Variants in CFAP92 observed in about 807,000 individuals in gnomAD.
The protein encoded by CFAP92 is uncharacterized protein CFAP92.
In CFAP92, 86 loss-of-function variants were observed where a neutral mutation model predicts 106.3. The ratio of observed to expected loss-of-function variants is 0.81; its 90% confidence interval spans 0.68 to 0.97. The LOEUF (loss-of-function observed/expected upper bound fraction) is 0.97, where lower values mean the gene tolerates loss of function less well. Ranked by LOEUF, CFAP92 falls within the 50% of genes least tolerant of loss-of-function variation. The pLI is 0.00. For synonymous variants in CFAP92, 477 were observed against 506.4 expected (o/e 0.94, Z 0.78); for missense variants, 1,204 against 1,283.8 (o/e 0.94, Z 0.95).
chr3:128,960,386 C>A (rs1252867242), intron 9 of CFAP92, among the ~76,000 whole-genome samples: 1 of 152,248 alleles, frequency 6.6e-6, no homozygotes. Flanking sequence ...AACATCTCAC[C>A]AATTTCAAAT....
At chr3:129,024,665 CAA>C in the CFAP92 span, among the ~76,000 whole-genome samples, 1 of 152,016 alleles carries the variant, frequency 6.6e-6, no homozygotes. Context: ...GGTAGAAGAA[CAA>C]AAGAGGGAGA....
At chr3:128,944,970 G>T in intron 10 of CFAP92, 101 bp downstream of exon 10, 3 of 1,044,220 alleles carry the variant, frequency 2.9e-6, no homozygotes, top group Non-Finnish European at 2.7e-6. Context: ...GAGACTCACA[G>T]ACAAGGATGC....
intron 9 of CFAP92, among the ~76,000 whole-genome samples, chr3:128,960,442 A>C (rs2107757748): frequency 6.6e-6 from 1 of 151,234 alleles, no homozygotes; most frequent in Non-Finnish European, 1.5e-5. Flanking sequence ...CTCCCTCACT[A>C]TCCCTCAACC....
At chr3:129,025,703 A>C in the CFAP92 span, among the ~76,000 whole-genome samples, 1 of 152,148 alleles carries the variant, frequency 6.6e-6, no homozygotes, top group Non-Finnish European at 1.5e-5. Context: ...GAGAGGGGCA[A>C]TGGGAGAAGC....
Position 128,993,135 on chromosome 3 carries a change from G to C in CFAP92, c.170C>G (p.Ser57Cys), listed in dbSNP as rs1327151246. 3.1e-6 allele frequency: 5 copies of C among 1,614,094 alleles called. No individual in the cohort carries two copies. In the South Asian group the frequency reaches 5.5e-5, roughly 18 times the overall value. ...DSDRPCSSIE[S>C]SSEPASTFSS... ...GAAAGTGCTGGCAGGCTCAGATGAG[G>C]ACTCGATGCTGCTGCACGGGCGGTC... The change falls in exon 2 of 16, where the codon TCC becomes TGC. Residue 57 changes from serine to cysteine, a missense_variant. Transcript: ENST00000645291.
At chr3:128,935,728 CA>C (rs796579499) in intron 10 of CFAP92, among the ~76,000 whole-genome samples, 50 of 151,886 alleles carry the variant, frequency 3.3e-4, no homozygotes, top group African/African-American at 1.2e-3. Flanking sequence ...AAAAACAAAA[CA>C]AAAAAACAAG....
chr3:129,008,933 T>C, the CFAP92 span, among the ~76,000 whole-genome samples: 5 of 149,830 alleles, frequency 3.3e-5, no homozygotes, highest in Non-Finnish European at 5.9e-5. Flanking sequence ...CTCAGCTCCT[T>C]ATTCTTCAAA....
intron 12 of CFAP92, among the ~76,000 whole-genome samples, chr3:128,932,121 G>GA (rs762054441): frequency 5.9e-5 from 9 of 152,292 alleles, no homozygotes; most frequent in Admixed American, 1.3e-4. Flanking sequence ...GAATTGCAGG[G>GA]ATGGTAGGGC....
At chr3:129,025,005 G>A in the CFAP92 span, among the ~76,000 whole-genome samples, 3 of 152,172 alleles carry the variant, frequency 2.0e-5, no homozygotes, top group Admixed American at 2.0e-4. Flanking sequence ...ACTTCACTGA[G>A]GGAGGGAGGA....
At chr3:129,009,472 A>T in the CFAP92 span, among the ~76,000 whole-genome samples, 1 of 152,310 alleles carries the variant, frequency 6.6e-6, no homozygotes, top group Admixed American at 6.5e-5. Context: ...ATCCCACTGA[A>T]GTCCTGGAAC....
chr3:128,978,402 TA>T (rs889000988), intron 4 of CFAP92: 766 of 394,670 alleles, frequency 1.9e-3, no homozygotes, highest in South Asian at 2.9e-3. Flanking sequence ...GCATTATATC[TA>T]AAAAAAAATG....
At chr3:129,001,190 G>C (rs1944717921) in intron 1 of CFAP92, among the ~76,000 whole-genome samples, 1 of 152,232 alleles carries the variant, frequency 6.6e-6, no homozygotes, top group South Asian at 2.1e-4. Context: ...CCTGGGCTTC[G>C]GATCCCGCGC....
chr3:128,934,465 C>T (rs184120778), intron 11 of CFAP92, among the ~76,000 whole-genome samples: 8 of 152,220 alleles, frequency 5.3e-5, no homozygotes, highest in Non-Finnish European at 1.2e-4. Flanking sequence ...GTGATCCACC[C>T]GCCTTGGCCT....
At chr3:128,963,372 G>T (rs984809264) in intron 9 of CFAP92, among the ~76,000 whole-genome samples, 4 of 152,148 alleles carry the variant, frequency 2.6e-5, no homozygotes, top group East Asian at 1.9e-4. Context: ...CTTTAATACT[G>T]TTAGAGGCCC....
chr3:129,022,221 T>C, the CFAP92 span, among the ~76,000 whole-genome samples: 8 of 152,170 alleles, frequency 5.3e-5, no homozygotes, highest in African/African-American at 1.2e-4. Context: ...TTCATCCTCA[T>C]AGGACCGCCA....
At chr3:128,943,660 C>T (rs748462254) in intron 10 of CFAP92, among the ~76,000 whole-genome samples, 5 of 151,962 alleles carry the variant, frequency 3.3e-5, no homozygotes, top group Middle Eastern at 3.4e-3. Flanking sequence ...CTCAGTCTCC[C>T]GAGTAGCTGG....
chr3:128,922,077 T>A (rs188412657), intron 12 of CFAP92, among the ~76,000 whole-genome samples: 1 of 152,164 alleles, frequency 6.6e-6, no homozygotes, highest in African/African-American at 2.4e-5. Flanking sequence ...CGGTGGCTCA[T>A]GCCTGTAATC....
At chr3:129,006,947 A>C (rs1008921701), upstream of CFAP92, among the ~76,000 whole-genome samples, 4 of 152,206 alleles carry the variant, frequency 2.6e-5, no homozygotes, top group Non-Finnish European at 4.4e-5. Flanking sequence ...TTGAGCATCA[A>C]CTGCATACCA....
intron 12 of CFAP92, among the ~76,000 whole-genome samples, chr3:128,926,580 A>G (rs1344856359): frequency 6.6e-6 from 1 of 152,218 alleles, no homozygotes; most frequent in Non-Finnish European, 1.5e-5. Context: ...GCACTTCTTT[A>G]TACCAGACAT....
Sources: allele counts gnomAD v4.1 joint callset (sites outside exome capture counted in the v4.1 genomes callset), GRCh38; gene constraint gnomAD v4.1.1; transcripts MANE v1.5; gene names NCBI Gene and HGNC (gene_info 2026-07-23, HGNC 2026-07-21).